LDHB: variants seen among roughly 807,000 people sequenced by gnomAD.
LDHB encodes the protein L-lactate dehydrogenase B chain.
Under a neutral mutation model 33.4 loss-of-function variants are expected in LDHB, and 18 were observed. The observed-to-expected ratio is 0.54, with a 90% CI of 0.37 to 0.80. The LOEUF is 0.80. Among genes scored for constraint, LDHB ranks in the 30% least tolerant of loss-of-function variants. The pLI is 0.00. For missense variants in LDHB, 345 were observed against 407.9 expected (o/e 0.85, Z 1.33); for synonymous variants, 121 against 140.6 (o/e 0.86, Z 0.98).
intron 2 of LDHB, among the ~76,000 whole-genome samples, chr12:21,652,020 C>T (rs1223958221): frequency 6.6e-6 from 1 of 152,230 alleles, no homozygotes; most frequent in Non-Finnish European, 1.5e-5. Flanking sequence ...GCTATTCTCT[C>T]AAGCCCTTGA....
chr12:21,638,710 C>G lies in LDHB; in HGVS notation c.596-240G>C, dbSNP rs903786997. On this transcript the variant is annotated intron_variant, in intron 5 of 7. Coordinates refer to ENST00000350669, the MANE Select transcript of LDHB (RefSeq NM_002300.8). ...AGAATTTTAGTGCAAAGCAGAATTG[C>G]TGTGTCATAGTTACAGAGAAAATAA... is the stretch of plus-strand genomic sequence containing the variant. Among the ~76,000 whole-genome samples, 12 of 152,050 alleles carry G rather than the reference C, an allele frequency of 7.9e-5. No homozygotes were observed. The East Asian group carries it at 2.3e-3, about 29-fold the overall frequency.
chr12:21,640,804 T>C (rs1367895418), intron 5 of LDHB, among the ~76,000 whole-genome samples: 4 of 151,586 alleles, frequency 2.6e-5, no homozygotes, highest in African/African-American at 7.3e-5. Context: ...CAATTTATTG[T>C]GCAAGACAGT....
At chr12:21,655,446 G>T (rs1938815134) in intron 1 of LDHB, among the ~76,000 whole-genome samples, 1 of 152,174 alleles carries the variant, frequency 6.6e-6, no homozygotes, top group Non-Finnish European at 1.5e-5. Flanking sequence ...TATCATTCTT[G>T]GAAGATAGGG....
chr12:21,638,059 A>C (rs1024201365), intron 6 of LDHB, among the ~76,000 whole-genome samples: 49 of 152,154 alleles, frequency 3.2e-4, no homozygotes, highest in Non-Finnish European at 7.2e-4. Flanking sequence ...TTCTAAATAA[A>C]TCAACCTTAT....
At chr12:21,643,501 GT>G (rs1440214468) in intron 4 of LDHB, 2 of 169,786 alleles carry the variant, frequency 1.2e-5, no homozygotes, top group Non-Finnish European at 2.6e-5. Flanking sequence ...AAACAGAATT[GT>G]TTAATGGCTT....
chr12:21,640,878 A>T (rs994115858), intron 5 of LDHB, among the ~76,000 whole-genome samples: 2 of 152,048 alleles, frequency 1.3e-5, no homozygotes, highest in Admixed American at 6.6e-5. Flanking sequence ...AAAGCCTGGG[A>T]CAACTTGAGC....
At chr12:21,654,714 G>C in intron 1 of LDHB, 37 bp from the exon 2 acceptor site, 1 of 1,530,264 alleles carries the variant, frequency 6.5e-7, no homozygotes, top group Non-Finnish European at 9.1e-7. Flanking sequence ...ACGTATATCT[G>C]CATATGAAAT....
chr12:21,654,441 A>C, intron 2 of LDHB, 102 bp downstream of exon 2: 1 of 1,183,700 alleles, frequency 8.4e-7, no homozygotes. Flanking sequence ...TGCTCAGGAA[A>C]AAAAGAAATC....
chr12:21,646,910 A>G lies in LDHB; in HGVS notation c.236T>C (p.Val79Ala), dbSNP rs1234429083. 6.2e-7 allele frequency: 1 copy of G among 1,603,814 alleles called. No individual in the cohort carries two copies. Among genetic ancestry groups the G allele is most frequent in the Non-Finnish European group, 8.5e-7 (1 of 1,170,874 alleles). ...TTAAGTGAAATTACCTTTATCTGCC[A>G]CAATTTTAGGTGTCTGAAGAAATAA... ...GSLFLQTPKI[V>A]ADKDYSVTAN... The change falls in exon 3 of 8, where the codon GTG (valine) becomes GCG (alanine). Residue 79 changes from valine to alanine, a missense_variant. Transcript: ENST00000350669.
At chr12:21,651,685 A>G (rs1370102902) in intron 2 of LDHB, among the ~76,000 whole-genome samples, 2 of 152,234 alleles carry the variant, frequency 1.3e-5, no homozygotes, top group Non-Finnish European at 2.9e-5. Flanking sequence ...AGTAATATAC[A>G]AACACCAACA....
intron 2 of LDHB, among the ~76,000 whole-genome samples, chr12:21,653,662 A>ATAGG (rs1207069731): frequency 8.1e-5 from 1 of 12,274 alleles, no homozygotes; most frequent in Non-Finnish European, 2.7e-4. Context: ...ATATACACAT[A>ATAGG]TATGTATGTA....
chr12:21,654,740 C>A, intron 1 of LDHB, 63 bp from the exon 2 acceptor site: 3 of 1,401,376 alleles, frequency 2.1e-6, no homozygotes, highest in South Asian at 2.3e-5. Context: ...TAGAAATCAT[C>A]CTTAAAATGT....
chr12:21,646,283 T>C (rs1419146314), intron 3 of LDHB, among the ~76,000 whole-genome samples: 2 of 152,170 alleles, frequency 1.3e-5, no homozygotes, highest in Non-Finnish European at 2.9e-5. Context: ...ATAAGAAATC[T>C]TTAAAGAAAA....
rs886049165 is a variant in LDHB at position 21,642,135 on chromosome 12, T to C, written c.422-10A>G. The C allele has an allele frequency of 6.2e-6, 10 of 1,609,256 alleles. No individual in the cohort carries two copies. Among genetic ancestry groups the C allele is most frequent in the African/African-American group, 1.3e-5 (1 of 74,746 alleles). ...TACGTAAGAATGTCCACTAAAAATT[T>C]TGGAAATAATATATGTAAGTAAACC... On this transcript the variant is annotated splice_polypyrimidine_tract_variant and intron_variant, in intron 4 of 7. Coordinates refer to ENST00000350669, the MANE Select transcript of LDHB (RefSeq NM_002300.8).
At chr12:21,649,872 A>G (rs1183412075) in intron 2 of LDHB, among the ~76,000 whole-genome samples, 1 of 152,046 alleles carries the variant, frequency 6.6e-6, no homozygotes, top group Non-Finnish European at 1.5e-5. Flanking sequence ...CAGGCAGATC[A>G]CCTGAGGTCA....
At chr12:21,657,138 C>T (rs1176115025) in intron 1 of LDHB, 1 of 152,154 alleles carries the variant, frequency 6.6e-6, no homozygotes, top group Admixed American at 6.5e-5. Flanking sequence ...ACTCGGAGCA[C>T]CCAAGGCTGG....
intron 5 of LDHB, 112 bp downstream of exon 5, chr12:21,641,840 C>T (rs928306691): frequency 3.0e-5 from 27 of 886,792 alleles, no homozygotes; most frequent in Non-Finnish European, 4.1e-5. Context: ...ACTATTTTTG[C>T]AACTGTTCTT....
chr12:21,637,381 C>T, intron 6 of LDHB, 187 bp from the exon 7 acceptor site: 1 of 571,400 alleles, frequency 1.8e-6, no homozygotes, highest in Non-Finnish European at 3.1e-6. Flanking sequence ...AAACTGTAAG[C>T]ACTACACAGT....
intron 4 of LDHB, among the ~76,000 whole-genome samples, chr12:21,642,482 T>A (rs866467743): frequency 3.3e-5 from 5 of 152,082 alleles, no homozygotes; most frequent in South Asian, 2.1e-4. Flanking sequence ...TTTCCCCCAG[T>A]TGTAACATTC....
Sources: allele counts gnomAD v4.1 joint callset (sites outside exome capture counted in the v4.1 genomes callset), GRCh38; gene constraint gnomAD v4.1.1; transcripts MANE v1.5; gene names NCBI Gene and HGNC (gene_info 2026-07-23, HGNC 2026-07-21).